Variants in CNTN5 observed in about 807,000 individuals in gnomAD.
CNTN5 encodes the protein contactin-5.
CNTN5 carries 77 observed loss-of-function variants against 129.1 expected under a neutral mutation model. That is an observed-to-expected ratio of 0.60 (90% CI 0.50 to 0.72). CNTN5 has a LOEUF of 0.72. Ranked by LOEUF, CNTN5 falls within the 30% of genes least tolerant of loss-of-function variation. The pLI is 0.00. For synonymous variants in CNTN5, 509 were observed against 465.6 expected, an observed-to-expected ratio of 1.09 and a Z score of -1.20; for missense variants, 1,478 against 1,328.8, an observed-to-expected ratio of 1.11 and a Z score of -1.75.
intron 3 of CNTN5, among the ~76,000 whole-genome samples, chr11:99,671,947 C>T (rs1254873209): frequency 1.3e-5 from 2 of 152,088 alleles, no homozygotes; most frequent in East Asian, 1.9e-4. Context: ...GACTTTCAAT[C>T]GTTGCAGGTG....
At chr11:99,906,560 G>A (rs1386483977) in intron 6 of CNTN5, among the ~76,000 whole-genome samples, 1 of 152,150 alleles carries the variant, frequency 6.6e-6, no homozygotes, top group Non-Finnish European at 1.5e-5. Flanking sequence ...ATGTTTTATT[G>A]AGGATTTCCA....
At chr11:99,056,254 C>T (rs1313263067) in intron 1 of CNTN5, among the ~76,000 whole-genome samples, 1 of 151,944 alleles carries the variant, frequency 6.6e-6, no homozygotes, top group African/African-American at 2.4e-5. Context: ...ATGATTTCCA[C>T]ACCTACGCAA....
chr11:99,259,823 C>T (rs1431482006), intron 1 of CNTN5, among the ~76,000 whole-genome samples: 1 of 151,698 alleles, frequency 6.6e-6, no homozygotes, highest in Non-Finnish European at 1.5e-5. Flanking sequence ...TTATTTCTTC[C>T]AGACTCATGT....
intron 6 of CNTN5, among the ~76,000 whole-genome samples, chr11:99,859,438 G>C (rs891341671): frequency 6.6e-6 from 1 of 152,116 alleles, no homozygotes; most frequent in Non-Finnish European, 1.5e-5. Flanking sequence ...TGAGGTTTGG[G>C]TTACGGGTGG....
At chr11:99,944,721 A>C (rs1384350344) in intron 7 of CNTN5, among the ~76,000 whole-genome samples, 1 of 152,084 alleles carries the variant, frequency 6.6e-6, no homozygotes, top group Non-Finnish European at 1.5e-5. Flanking sequence ...CACCAATAAT[A>C]GACAAGCAGA....
chr11:100,339,838 T>C (rs899033265), intron 21 of CNTN5, among the ~76,000 whole-genome samples: 8 of 152,168 alleles, frequency 5.3e-5, no homozygotes, highest in African/African-American at 1.2e-4. Flanking sequence ...TGAAGCCAGT[T>C]ACCATAAGCT....
At chr11:99,220,575 G>C (rs532062830) in intron 1 of CNTN5, among the ~76,000 whole-genome samples, 7 of 151,998 alleles carry the variant, frequency 4.6e-5, no homozygotes, top group Admixed American at 3.9e-4. Context: ...CCATGAAATA[G>C]AGGAAAGTCA....
At chr11:99,491,148 G>T (rs1302551068) in intron 2 of CNTN5, among the ~76,000 whole-genome samples, 2 of 152,090 alleles carry the variant, frequency 1.3e-5, no homozygotes, top group African/African-American at 4.8e-5. Context: ...CAAAGAAGGG[G>T]ATATTGGGGA....
intron 1 of CNTN5, among the ~76,000 whole-genome samples, chr11:99,025,448 G>T (rs1863070252): frequency 6.6e-6 from 1 of 151,698 alleles, no homozygotes; most frequent in South Asian, 2.1e-4. Flanking sequence ...TTCTTCATAG[G>T]ATTCTTATAG....
At chr11:99,241,329 T>TG (rs1213034524) in intron 1 of CNTN5, among the ~76,000 whole-genome samples, 4 of 149,458 alleles carry the variant, frequency 2.7e-5, no homozygotes. Context: ...TTTTTTTTTT[T>TG]TTTTTTTTTT....
chr11:99,761,520 G>GT (rs1944582041), intron 3 of CNTN5, among the ~76,000 whole-genome samples: 1 of 151,420 alleles, frequency 6.6e-6, no homozygotes, highest in African/African-American at 2.4e-5. Flanking sequence ...GCGGTGTTTG[G>GT]TTTTTTGTTC....
intron 3 of CNTN5, chr11:99,558,109 G>A (rs147785674): frequency 5.6e-6 from 1 of 178,838 alleles, no homozygotes; most frequent in Non-Finnish European, 1.2e-5. Context: ...AAGGCATTAA[G>A]AGTTAAGTGA....
At chr11:100,024,970 A>G (rs1941345641) in intron 9 of CNTN5, among the ~76,000 whole-genome samples, 1 of 152,216 alleles carries the variant, frequency 6.6e-6, no homozygotes. Context: ...CTGAGGGGAA[A>G]TTCAAGCAGG....
At chr11:100,191,610 T>C (rs73000850) in intron 14 of CNTN5, among the ~76,000 whole-genome samples, 10,368 of 152,092 alleles carry the variant, frequency 0.068, 452 homozygotes, top group Middle Eastern at 0.2. Context: ...TCACTAATAT[T>C]ACTCTGTTAT....
intron 3 of CNTN5, among the ~76,000 whole-genome samples, chr11:99,608,423 C>T (rs907280232): frequency 6.6e-6 from 1 of 152,174 alleles, no homozygotes; most frequent in African/African-American, 2.4e-5. Context: ...TGTTGACCTT[C>T]TAACCTCCCT....
intron 10 of CNTN5, 129 bp downstream of exon 10, chr11:100,061,522 T>C (rs1172212532): frequency 4.6e-6 from 3 of 648,630 alleles, no homozygotes; most frequent in Admixed American, 3.0e-5. Flanking sequence ...CATACTTCAT[T>C]CGTATGGTAA....
intron 9 of CNTN5, among the ~76,000 whole-genome samples, chr11:100,036,221 G>C (rs1271733828): frequency 6.6e-6 from 1 of 152,098 alleles, no homozygotes; most frequent in East Asian, 1.9e-4. Context: ...TTATTAAATA[G>C]GGAATCCTTT....
chr11:99,638,422 A>G (rs568818636), intron 3 of CNTN5, among the ~76,000 whole-genome samples: 37 of 152,124 alleles, frequency 2.4e-4, no homozygotes, highest in African/African-American at 8.7e-4. Flanking sequence ...GCGTTTCAAA[A>G]CCAGTCATGC....
intron 9 of CNTN5, among the ~76,000 whole-genome samples, chr11:100,059,482 A>G (rs1591154638): frequency 2.6e-5 from 4 of 152,134 alleles, no homozygotes. Flanking sequence ...AACACAAAGA[A>G]CTCTAAGAAA....
Sources: gnomAD v4.1 joint callset for allele counts (sites outside exome capture counted in the v4.1 genomes callset) on GRCh38, gnomAD v4.1.1 for gene constraint, MANE v1.5 for transcripts, NCBI Gene and HGNC (gene_info 2026-07-23, HGNC 2026-07-21) for gene names.